The following MAP3K9 variants were observed in gnomAD, a reference collection of about 807,000 sequenced individuals.
MAP3K9 encodes the protein mixed lineage kinase 1 (tyr and ser/thr specificity).
In MAP3K9, 46 loss-of-function variants were observed where a neutral mutation model predicts 95.8. The observed-to-expected ratio is 0.48, with a 90% CI of 0.38 to 0.61. The LOEUF is 0.61. MAP3K9 is among the 20% of genes least tolerant of loss of function. MAP3K9 has a pLI of 0.00. For synonymous variants in MAP3K9, 533 were observed against 593.8 expected (o/e 0.90, Z 1.49); for missense variants, 1,296 against 1,474.3 (o/e 0.88, Z 1.98).
rs866235964 is a variant in MAP3K9, at chr14:70,732,677, G to A, written c.2692C>T (p.Pro898Ser). Residue 898 changes from proline to serine, a missense_variant, in exon 11 of 12, where the codon CCC (proline) becomes TCC (serine). By Grantham distance (74) the Pro-to-Ser change is moderately conservative. Transcript: ENST00000554752. ...GGGGTGGTGAGGGTGACATGGGTGG[G>A]AGTCAGAGATTGGTTAGGATCTCGT... ...FKRDPNQSLT[P>S]THVTLTTPSQ... 1 of 1,603,310 alleles carries A rather than the reference G, an allele frequency of 6.2e-7. No homozygotes were observed. Among genetic ancestry groups the A allele is most frequent in the Non-Finnish European group, 8.5e-7 (1 of 1,173,466 alleles).
chr14:70,786,697 C>T (rs1482141620), intron 2 of MAP3K9, among the ~76,000 whole-genome samples: 2 of 152,198 alleles, frequency 1.3e-5, no homozygotes, highest in Non-Finnish European at 2.9e-5. Context: ...AAAGAAGGAA[C>T]ACTATCATGA....
At chr14:70,763,090 A>G (rs1455480613) in intron 2 of MAP3K9, among the ~76,000 whole-genome samples, 1 of 152,250 alleles carries the variant, frequency 6.6e-6, no homozygotes, top group Non-Finnish European at 1.5e-5. Context: ...GTACCACTGC[A>G]GTAAGCCCAC....
intron 2 of MAP3K9, among the ~76,000 whole-genome samples, chr14:70,768,369 T>A (rs1314094339): frequency 6.6e-6 from 1 of 152,138 alleles, no homozygotes; most frequent in Non-Finnish European, 1.5e-5. Flanking sequence ...AAAATTCTCC[T>A]AACATTGAGT....
chr14:70,730,894 A>C (rs1299613031), intron 11 of MAP3K9, 30 bp from the exon 12 acceptor site: 1 of 1,578,432 alleles, frequency 6.3e-7, no homozygotes, highest in East Asian at 2.3e-5. Context: ...GAGAAGCATC[A>C]GATGAGGCAC....
intron 2 of MAP3K9, among the ~76,000 whole-genome samples, chr14:70,762,456 A>G (rs1382209389): frequency 1.3e-5 from 2 of 152,238 alleles, no homozygotes; most frequent in Non-Finnish European, 2.9e-5. Context: ...GTGATATGGT[A>G]ACTCATTGTG....
At chr14:70,761,399 A>G (rs2054373222) in intron 2 of MAP3K9, among the ~76,000 whole-genome samples, 2 of 152,080 alleles carry the variant, frequency 1.3e-5, no homozygotes, top group Non-Finnish European at 2.9e-5. Context: ...CCTCACAACA[A>G]CTTACAAGGC....
chr14:70,795,443 G>A (rs2054854224), intron 2 of MAP3K9, among the ~76,000 whole-genome samples: 1 of 151,958 alleles, frequency 6.6e-6, no homozygotes, highest in African/African-American at 2.4e-5. Context: ...CAAGTAGTTG[G>A]GTCCACAGGC....
intron 10 of MAP3K9, among the ~76,000 whole-genome samples, chr14:70,734,054 G>A (rs906242240): frequency 3.9e-5 from 6 of 152,172 alleles, no homozygotes; most frequent in African/African-American, 7.2e-5. Flanking sequence ...TGTCTTCCCT[G>A]GGAGCCATAC....
chr14:70,733,528 A>T (rs1162538112), intron 10 of MAP3K9, among the ~76,000 whole-genome samples, 186 bp from the exon 11 acceptor site: 2 of 152,196 alleles, frequency 1.3e-5, no homozygotes, highest in Non-Finnish European at 2.9e-5. Flanking sequence ...ACCCCCCAAC[A>T]CAGGGAAACC....
chr14:70,742,899 A>ATT (rs2054093688), intron 5 of MAP3K9, among the ~76,000 whole-genome samples: 2 of 35,884 alleles, frequency 5.6e-5, no homozygotes, highest in African/African-American at 2.2e-4. Context: ...ATTGCCTGTG[A>ATT]TTTATATATA....
chr14:70,804,549 C>G (rs2054968766), intron 1 of MAP3K9, among the ~76,000 whole-genome samples: 1 of 152,194 alleles, frequency 6.6e-6, no homozygotes, highest in East Asian at 1.9e-4. Context: ...ATTTCCTCAA[C>G]TGAGTATCTG....
chr14:70,794,387 G>A (rs1041695604), intron 2 of MAP3K9, among the ~76,000 whole-genome samples: 4 of 152,194 alleles, frequency 2.6e-5, no homozygotes, highest in African/African-American at 9.7e-5. Context: ...GGATGCTGTG[G>A]CCTTGTGAGC....
At chr14:70,740,456 C>A (rs1231289099) in intron 6 of MAP3K9, among the ~76,000 whole-genome samples, 2 of 152,154 alleles carry the variant, frequency 1.3e-5, no homozygotes, top group Non-Finnish European at 2.9e-5. Context: ...TTAAGAATAG[C>A]TGTTTAGCTC....
chr14:70,747,772 A>G (rs140756803), intron 5 of MAP3K9, among the ~76,000 whole-genome samples: 3 of 152,334 alleles, frequency 2.0e-5, no homozygotes, highest in East Asian at 3.9e-4. Flanking sequence ...GCCATAAACA[A>G]TTTTAGCTAT....
rs966550123 is a variant in MAP3K9, at chr14:70,730,020, G to C, written c.*360C>G. ...GACAAAGGGACCCTATGACAGCTCT[G>C]CGCACACCCAACTGGCTGAGGAGAG... is the stretch of plus-strand genomic sequence containing the variant. On this transcript the variant is annotated 3_prime_UTR_variant, in exon 12 of 12. Coordinates refer to ENST00000554752, the MANE Select transcript of MAP3K9 (RefSeq NM_001284230.2). The C allele has an allele frequency of 3.9e-6, 1 of 253,182 alleles. No homozygotes were observed. Among genetic ancestry groups the C allele is most frequent in the Non-Finnish European group, 7.7e-6 (1 of 130,352 alleles). The allele number at this position is 253,182 out of a possible 1,614,324, so 15.7% of individuals were successfully genotyped here.
At chr14:70,764,931 G>T (rs2139790506) in intron 2 of MAP3K9, among the ~76,000 whole-genome samples, 1 of 152,318 alleles carries the variant, frequency 6.6e-6, no homozygotes, top group South Asian at 2.1e-4. Context: ...TGTACAGTGT[G>T]TTTATGTTAA....
intron 1 of MAP3K9, among the ~76,000 whole-genome samples, chr14:70,803,375 T>A (rs1594816488): frequency 1.8e-5 from 2 of 113,546 alleles, no homozygotes; most frequent in East Asian, 2.9e-4. Context: ...GAACTGGAAC[T>A]AGACCTTCTG....
At position 70,729,036 on chromosome 14, in the gene MAP3K9, T is replaced by C. The variant is rs956927723; in HGVS notation, c.*1344A>G. 6.6e-6 allele frequency: 1 copy of C among 152,302 alleles called. No homozygotes were observed. Among genetic ancestry groups the C allele is most frequent in the African/African-American group, 2.4e-5 (1 of 41,448 alleles). 9.4% of individuals were successfully genotyped at this position (152,302 alleles called of 1,614,324 possible). ...TCAACATTCAAGTTAAGGAAACAACTTCCAGGAAGGTCAGGGTTGGCCTCT... is the reference window on the plus strand; with the variant it reads ...TCAACATTCAAGTTAAGGAAACAACCTCCAGGAAGGTCAGGGTTGGCCTCT... On this transcript the variant is annotated 3_prime_UTR_variant, in exon 12 of 12. Transcript: ENST00000554752.
chr14:70,765,751 CAAAAAAAAACA>C (rs1566749986), intron 2 of MAP3K9, among the ~76,000 whole-genome samples: 32 of 89,808 alleles, frequency 3.6e-4, no homozygotes, highest in African/African-American at 1.3e-3. Context: ...AAAAAAAAAA[CAAAAAAAAACA>C]AAAAAAAAAA....
Sources: allele counts gnomAD v4.1 joint callset (sites outside exome capture counted in the v4.1 genomes callset), GRCh38; gene constraint gnomAD v4.1.1; transcripts MANE v1.5; gene names NCBI Gene and HGNC (gene_info 2026-07-23, HGNC 2026-07-21).